FREM3: variants seen among roughly 807,000 people sequenced by gnomAD.
FREM3 encodes FRAS1-related extracellular matrix protein 3.
In FREM3, 105 loss-of-function variants were observed where a neutral mutation model predicts 129.1. The observed-to-expected ratio is 0.81, with a 90% CI of 0.69 to 0.96. The LOEUF is 0.96. Among genes scored for constraint, FREM3 ranks in the 40% least tolerant of loss-of-function variants. The probability of loss-of-function intolerance (pLI) is 0.00; values close to 1 mark genes in which losing one functional copy is unlikely to be tolerated. For missense variants in FREM3, 2,593 were observed against 2,666.3 expected, an observed-to-expected ratio of 0.97 and a Z score of 0.61; for synonymous variants, 1,014 against 1,044.9, an observed-to-expected ratio of 0.97 and a Z score of 0.57.
intron 6 of FREM3, among the ~76,000 whole-genome samples, chr4:143,604,562 ATATCT>A (rs1295203675): frequency 6.6e-6 from 1 of 152,182 alleles, no homozygotes; most frequent in Non-Finnish European, 1.5e-5. Context: ...TTAATTATTA[ATATCT>A]TAAGTGATAA....
intron 6 of FREM3, among the ~76,000 whole-genome samples, chr4:143,594,568 A>G (rs1738433657): frequency 6.6e-6 from 1 of 152,248 alleles, no homozygotes; most frequent in Non-Finnish European, 1.5e-5. Context: ...AAAACTTTGA[A>G]CAAAGTTACC....
At chr4:143,617,315 A>AC (rs1430214875) in intron 5 of FREM3, among the ~76,000 whole-genome samples, 7 of 152,140 alleles carry the variant, frequency 4.6e-5, no homozygotes, top group Admixed American at 3.9e-4. Flanking sequence ...TAGATGCTAG[A>AC]TACTTGCATC....
Position 143,700,095 on chromosome 4 carries a change from T to G in FREM3, c.581A>C (p.Asp194Ala). ...WSRAIDRRVL[D>A]FASLKSGATA... The stretch of plus-strand genomic sequence containing the variant: ...GGCTCCAGACTTCAGGGAGGCGAAG[T>G]CCAGCACTCTCCTGTCTATGGCGCG... The change falls in exon 1 of 8, where the codon GAC becomes GCC. Residue 194 changes from aspartate to alanine, a missense_variant. Physicochemically the swap from Asp to Ala is moderately radical, Grantham distance 126. Coordinates refer to ENST00000329798, the MANE Select transcript of FREM3 (RefSeq NM_001168235.2). 2.0e-6 allele frequency: 3 copies of G among 1,536,402 alleles called. No individual in the cohort carries two copies. Among genetic ancestry groups the G allele is most frequent in the Non-Finnish European group, 2.6e-6 (3 of 1,146,418 alleles).
chr4:143,645,680 AT>A (rs1739400641), intron 2 of FREM3, among the ~76,000 whole-genome samples: 1 of 152,136 alleles, frequency 6.6e-6, no homozygotes, highest in Admixed American at 6.5e-5. Flanking sequence ...TTTCCTACAG[AT>A]TTTGTATCTG....
At chr4:143,625,786 G>A (rs1202588174) in intron 3 of FREM3, among the ~76,000 whole-genome samples, 1 of 152,242 alleles carries the variant, frequency 6.6e-6, no homozygotes, top group Non-Finnish European at 1.5e-5. Context: ...AATTTTGGGA[G>A]AGGCAAACAG....
At chr4:143,673,758 C>A (rs567764512) in intron 2 of FREM3, among the ~76,000 whole-genome samples, 10 of 152,376 alleles carry the variant, frequency 6.6e-5, no homozygotes, top group African/African-American at 2.2e-4. Flanking sequence ...AGCTTCCTGG[C>A]CGCTTTGTTT....
At chr4:143,634,261 T>C (rs1414467311) in intron 2 of FREM3, among the ~76,000 whole-genome samples, 4 of 152,162 alleles carry the variant, frequency 2.6e-5, no homozygotes, top group Non-Finnish European at 5.9e-5. Context: ...GTAATTATTA[T>C]GCAGGGAGTT....
At chr4:143,589,752 A>T (rs1272631287) in intron 6 of FREM3, among the ~76,000 whole-genome samples, 1 of 152,152 alleles carries the variant, frequency 6.6e-6, no homozygotes, top group Non-Finnish European at 1.5e-5. Flanking sequence ...ATGAACTTTA[A>T]AGTAGTTTTT....
intron 2 of FREM3, among the ~76,000 whole-genome samples, chr4:143,628,619 C>T (rs1739087219): frequency 6.6e-6 from 1 of 152,138 alleles, no homozygotes; most frequent in African/African-American, 2.4e-5. Context: ...TACTGGACCC[C>T]TTAATGAGAT....
At chr4:143,629,834 C>T (rs1739106910) in intron 2 of FREM3, among the ~76,000 whole-genome samples, 1 of 152,094 alleles carries the variant, frequency 6.6e-6, no homozygotes, top group South Asian at 2.1e-4. Flanking sequence ...GCCAGTTTTG[C>T]AGTCTGCTAG....
Position 143,591,380 on chromosome 4 carries a change from G to A in FREM3, c.6029-5387C>T, listed in dbSNP as rs1245588262. ...CTGCTTTCTCTTGTGGGCATTTAGT[G>A]CTATAAATTTCCCTCTACACACTGC... is the stretch of plus-strand genomic sequence containing the variant. On this transcript the variant is annotated intron_variant, in intron 6 of 7. Coordinates refer to ENST00000329798, the MANE Select transcript of FREM3 (RefSeq NM_001168235.2). Among the ~76,000 whole-genome samples, 8 of 152,308 alleles carry A rather than the reference G, an allele frequency of 5.3e-5. No homozygotes were observed. The Middle Eastern group carries it at 0.017, about 324-fold the overall frequency.
At chr4:143,674,419 A>G (rs1417054025) in intron 2 of FREM3, among the ~76,000 whole-genome samples, 2 of 152,198 alleles carry the variant, frequency 1.3e-5, no homozygotes, top group African/African-American at 4.8e-5. Context: ...AACAACCGGT[A>G]CCAGCCACTG....
intron 3 of FREM3, 27 bp downstream of exon 3, chr4:143,627,587 A>G: frequency 6.6e-7 from 1 of 1,522,336 alleles, no homozygotes. Flanking sequence ...ATGACCTTTT[A>G]CCAACAACCA....
At chr4:143,681,521 A>G (rs1740249630) in intron 2 of FREM3, among the ~76,000 whole-genome samples, 1 of 152,154 alleles carries the variant, frequency 6.6e-6, no homozygotes, top group Admixed American at 6.5e-5. Flanking sequence ...AGTGGCTTTC[A>G]TAGTAACCTT....
At chr4:143,663,268 G>A (rs950653622) in intron 2 of FREM3, among the ~76,000 whole-genome samples, 30 of 152,098 alleles carry the variant, frequency 2.0e-4, no homozygotes, top group African/African-American at 7.0e-4. Flanking sequence ...AGCTCTTTTA[G>A]GGCAGGCCTG....
intron 7 of FREM3, among the ~76,000 whole-genome samples, chr4:143,579,078 C>A (rs1032592): frequency 4.7e-5 from 7 of 148,802 alleles, no homozygotes; most frequent in East Asian, 1.9e-4. Context: ...AAAAAAAAAG[C>A]GTCTCACTCT....
At chr4:143,578,529 T>C (rs1738079444) in intron 7 of FREM3, among the ~76,000 whole-genome samples, 1 of 152,078 alleles carries the variant, frequency 6.6e-6, no homozygotes, top group Non-Finnish European at 1.5e-5. Context: ...AAAATATTAA[T>C]TGCAAAGGAA....
intron 1 of FREM3, among the ~76,000 whole-genome samples, chr4:143,694,062 CG>C (rs1291274045): frequency 1.3e-5 from 2 of 152,024 alleles, no homozygotes; most frequent in Non-Finnish European, 2.9e-5. Flanking sequence ...GCTTAAATAC[CG>C]GGGTGATGAA....
intron 2 of FREM3, among the ~76,000 whole-genome samples, chr4:143,634,106 C>T (rs1403446962): frequency 1.3e-5 from 2 of 151,970 alleles, no homozygotes; most frequent in African/African-American, 4.8e-5. Context: ...TTTAGAGAAG[C>T]CAGGAAGGAA....
Sources: gnomAD v4.1 joint callset for allele counts (sites outside exome capture counted in the v4.1 genomes callset) on GRCh38, gnomAD v4.1.1 for gene constraint, MANE v1.5 for transcripts, NCBI Gene and HGNC (gene_info 2026-07-23, HGNC 2026-07-21) for gene names.